Variants in GRID2 observed in about 807,000 individuals in gnomAD.
GRID2 encodes the protein glutamate receptor ionotropic, delta-2.
In GRID2, 33 loss-of-function variants were observed where a neutral mutation model predicts 114.8. The observed-to-expected ratio is 0.29, with a 90% confidence interval of 0.22 to 0.38. The LOEUF (loss-of-function observed/expected upper bound fraction) is 0.38, where lower values mean the gene tolerates loss of function less well. GRID2 is among the 10% of genes least tolerant of loss of function. The probability of loss-of-function intolerance (pLI) is 1.00; values close to 1 mark genes in which losing one functional copy is unlikely to be tolerated. For missense variants in GRID2, 1,184 were observed against 1,257.7 expected, an observed-to-expected ratio of 0.94 and a Z score of 0.89; for synonymous variants, 505 against 449.9, an observed-to-expected ratio of 1.12 and a Z score of -1.55.
chr4:92,767,373 A>G (rs1187234734), intron 2 of GRID2, among the ~76,000 whole-genome samples: 1 of 152,164 alleles, frequency 6.6e-6, no homozygotes, highest in East Asian at 1.9e-4. Flanking sequence ...TGTTATGGTA[A>G]CTTGGCCTGT....
intron 2 of GRID2, among the ~76,000 whole-genome samples, chr4:92,942,040 A>G (rs985431571): frequency 3.9e-5 from 6 of 152,118 alleles, no homozygotes; most frequent in Non-Finnish European, 7.3e-5. Context: ...AAGAATGTCT[A>G]TTCTGTTAAT....
chr4:93,428,799 A>AATATTGTAATTTACAATATTT (rs1224645992), intron 10 of GRID2, among the ~76,000 whole-genome samples: 1 of 152,216 alleles, frequency 6.6e-6, no homozygotes, highest in Non-Finnish European at 1.5e-5. Flanking sequence ...CAATATTTAC[A>AATATTGTAATTTACAATATTT]ACACAATATA....
chr4:92,666,655 T>G (rs1160817590), intron 2 of GRID2, among the ~76,000 whole-genome samples: 3 of 143,156 alleles, frequency 2.1e-5, no homozygotes, highest in East Asian at 2.2e-4. Flanking sequence ...GGGTTGTTTT[T>G]TTTTTTTTTT....
chr4:93,524,218 G>A (rs1178852272), intron 13 of GRID2, among the ~76,000 whole-genome samples: 1 of 152,052 alleles, frequency 6.6e-6, no homozygotes, highest in Non-Finnish European at 1.5e-5. Context: ...CTACGAAAAC[G>A]CCAAGCCTGG....
chr4:93,700,400 C>T (rs1019495437), intron 14 of GRID2, among the ~76,000 whole-genome samples: 6 of 152,018 alleles, frequency 3.9e-5, no homozygotes, highest in African/African-American at 1.2e-4. Context: ...TTGAACATTT[C>T]GATTGACTCA....
intron 2 of GRID2, among the ~76,000 whole-genome samples, chr4:92,796,620 CT>C (rs1739888957): frequency 6.6e-6 from 1 of 151,828 alleles, no homozygotes; most frequent in Non-Finnish European, 1.5e-5. Context: ...GAGTAGGGCA[CT>C]TTTGTCTGCA....
intron 8 of GRID2, among the ~76,000 whole-genome samples, chr4:93,256,735 G>A (rs538772899): frequency 2.2e-4 from 34 of 151,880 alleles, no homozygotes; most frequent in South Asian, 1.5e-3. Context: ...AATGTAAAAG[G>A]CAATATAGAC....
intron 1 of GRID2, among the ~76,000 whole-genome samples, chr4:92,562,975 C>G (rs1727167830): frequency 6.6e-6 from 1 of 152,058 alleles, no homozygotes; most frequent in African/African-American, 2.4e-5. Context: ...TGTAGGTATT[C>G]TATTTATAGT....
chr4:92,930,466 C>T (rs1750140575), intron 2 of GRID2, among the ~76,000 whole-genome samples: 1 of 151,032 alleles, frequency 6.6e-6, no homozygotes, highest in Non-Finnish European at 1.5e-5. Context: ...ACTTGCTATA[C>T]TACCTTTTAA....
chr4:93,667,910 A>G (rs1724085387), intron 14 of GRID2, among the ~76,000 whole-genome samples: 1 of 152,006 alleles, frequency 6.6e-6, no homozygotes, highest in Non-Finnish European at 1.5e-5. Flanking sequence ...AAATATTTCT[A>G]ATAAGAAATT....
chr4:92,711,493 C>T (rs576524503), intron 2 of GRID2, among the ~76,000 whole-genome samples: 2 of 152,246 alleles, frequency 1.3e-5, no homozygotes, highest in East Asian at 1.9e-4. Flanking sequence ...AGGCCACTCT[C>T]AGGCTTTGCC....
intron 13 of GRID2, among the ~76,000 whole-genome samples, chr4:93,553,823 ACTAT>A (rs1417980894): frequency 6.6e-6 from 1 of 152,188 alleles, no homozygotes; most frequent in Non-Finnish European, 1.5e-5. Context: ...ACTAATTTTT[ACTAT>A]CTATGTTTCT....
chr4:93,576,951 T>C (rs927060078), intron 13 of GRID2, among the ~76,000 whole-genome samples: 2 of 152,150 alleles, frequency 1.3e-5, no homozygotes, highest in Non-Finnish European at 2.9e-5. Flanking sequence ...AAATATTGTT[T>C]CTGTTTTCTC....
At chr4:93,649,558 C>T (rs994525257) in intron 14 of GRID2, among the ~76,000 whole-genome samples, 3 of 152,182 alleles carry the variant, frequency 2.0e-5, no homozygotes, top group Non-Finnish European at 4.4e-5. Flanking sequence ...GTCTATACTC[C>T]GAGTATTTTC....
At chr4:93,247,466 A>T (rs574545293) in intron 8 of GRID2, among the ~76,000 whole-genome samples, 39 of 152,164 alleles carry the variant, frequency 2.6e-4, no homozygotes, top group African/African-American at 8.9e-4. Flanking sequence ...TGGGAAATTC[A>T]TGTTCTCTTG....
At chr4:92,743,243 C>G (rs529056878) in intron 2 of GRID2, among the ~76,000 whole-genome samples, 1 of 152,352 alleles carries the variant, frequency 6.6e-6, no homozygotes, top group African/African-American at 2.4e-5. Context: ...TGCCACTGCA[C>G]TGCAGCCTGG....
intron 2 of GRID2, among the ~76,000 whole-genome samples, chr4:93,045,222 A>G (rs1284185374): frequency 1.3e-5 from 2 of 152,144 alleles, no homozygotes; most frequent in East Asian, 1.9e-4. Context: ...CCCCGCAGAT[A>G]GACAGTAAAC....
intron 13 of GRID2, among the ~76,000 whole-genome samples, chr4:93,594,319 G>A (rs1353773962): frequency 1.3e-5 from 2 of 152,156 alleles, no homozygotes; most frequent in Non-Finnish European, 2.9e-5. Context: ...TGCAGTGTGA[G>A]GTGTCAGTGT....
chr4:93,456,104 C>T, intron 11 of GRID2, 130 bp downstream of exon 11: 2 of 621,898 alleles, frequency 3.2e-6, no homozygotes, highest in Middle Eastern at 4.3e-4. Flanking sequence ...CAGAAATGCT[C>T]AGAAAAGAAC....
Sources: allele counts gnomAD v4.1 joint callset (sites outside exome capture counted in the v4.1 genomes callset), GRCh38; gene constraint gnomAD v4.1.1; transcripts MANE v1.5; gene names NCBI Gene and HGNC (gene_info 2026-07-23, HGNC 2026-07-21).